DIAPH3: variants seen among roughly 807,000 people sequenced by gnomAD.
DIAPH3 encodes the protein diaphanous related formin 3.
A neutral mutation model predicts 144.3 loss-of-function variants in DIAPH3; 117 were observed. The ratio of observed to expected loss-of-function variants is 0.81; its 90% CI spans 0.70 to 0.95. The LOEUF (loss-of-function observed/expected upper bound fraction) is 0.95. DIAPH3 is among the 40% of genes least tolerant of loss of function. DIAPH3 has a pLI of 0.00. For missense variants in DIAPH3, 1,421 were observed against 1,412.7 expected (o/e 1.01, Z -0.09); for synonymous variants, 519 against 488.9 (o/e 1.06, Z -0.81).
chr13:59,961,904 A>G (rs1459847612), intron 17 of DIAPH3, among the ~76,000 whole-genome samples: 3 of 152,336 alleles, frequency 2.0e-5, no homozygotes, highest in African/African-American at 4.8e-5. Flanking sequence ...TTTTATTATT[A>G]TCTAATTAAT....
rs750299647 is a variant in DIAPH3, at chr13:59,970,950, C to T, written c.1861G>A (p.Gly621Arg). Residue 621 changes from glycine (G) to arginine (R), a missense_variant, in exon 16 of 28, where the codon GGA becomes AGA. By Grantham distance (125) the Gly-to-Arg change is moderately radical (BLOSUM62 -2). Coordinates refer to ENST00000400324, the MANE Select transcript of DIAPH3 (RefSeq NM_001042517.2). The stretch of plus-strand genomic sequence containing the variant: ...ATTGGTAGAGGAGGAGAATTTTGTC[C>T]TCCAAGGAATCCCAGGGGAGGTGGT... The part of the protein sequence containing the change: ...PPPPPLGFLG[G>R]QNSPPLPILP... The T allele has an allele frequency of 1.4e-5, 23 of 1,613,812 alleles. No individual in the cohort carries two copies. In the South Asian group the frequency reaches 2.4e-4, roughly 17 times the overall value.
chr13:60,089,535 T>C (rs753430876), intron 4 of DIAPH3, among the ~76,000 whole-genome samples: 4 of 152,198 alleles, frequency 2.6e-5, no homozygotes, highest in Non-Finnish European at 4.4e-5. Flanking sequence ...GCATTCTCTG[T>C]TCTGGTCCAG....
intron 27 of DIAPH3, among the ~76,000 whole-genome samples, chr13:59,761,785 G>T (rs1432169248): frequency 6.6e-6 from 1 of 152,068 alleles, no homozygotes; most frequent in East Asian, 1.9e-4. Context: ...AGCATTGGAA[G>T]ACAGAAAGTA....
intron 4 of DIAPH3, among the ~76,000 whole-genome samples, chr13:60,092,411 G>C (rs887471034): frequency 1.3e-5 from 2 of 152,168 alleles, no homozygotes; most frequent in Admixed American, 6.5e-5. Context: ...CCAGCACTTT[G>C]GGAGGCCAAG....
chr13:59,993,703 A>T (rs1160146512), intron 9 of DIAPH3, among the ~76,000 whole-genome samples: 2 of 35,358 alleles, frequency 5.7e-5, no homozygotes, highest in Non-Finnish European at 5.8e-5. Flanking sequence ...AAACATACTT[A>T]AAAAAAAAAA....
chr13:59,686,396 T>C (rs902157852), intron 27 of DIAPH3, among the ~76,000 whole-genome samples: 21 of 152,078 alleles, frequency 1.4e-4, no homozygotes, highest in African/African-American at 4.1e-4. Flanking sequence ...AGGATATCTA[T>C]TCACATCAAT....
intron 27 of DIAPH3, among the ~76,000 whole-genome samples, chr13:59,709,847 A>G (rs1409215957): frequency 5.3e-5 from 8 of 152,172 alleles, no homozygotes; most frequent in Non-Finnish European, 1.0e-4. Flanking sequence ...AACCAACCCA[A>G]ATGTCCAACA....
At chr13:59,666,881 A>G (rs760529772) in intron 27 of DIAPH3, 35 bp from the exon 28 acceptor site, 99 of 1,612,176 alleles carry the variant, frequency 6.1e-5, no homozygotes, top group Non-Finnish European at 8.1e-5. Flanking sequence ...AAAACTTATC[A>G]CCATGATAAC....
At chr13:59,964,088 A>G (rs2049918879) in intron 17 of DIAPH3, among the ~76,000 whole-genome samples, 2 of 152,180 alleles carry the variant, frequency 1.3e-5, no homozygotes, top group Non-Finnish European at 2.9e-5. Context: ...AGACAGAGAA[A>G]ATGGAAGATA....
At chr13:59,978,246 C>T (rs1239399295) in intron 14 of DIAPH3, among the ~76,000 whole-genome samples, 1 of 151,716 alleles carries the variant, frequency 6.6e-6, no homozygotes, top group Admixed American at 6.6e-5. Flanking sequence ...GAGCCAACCT[C>T]GTCAAATCTT....
At chr13:60,023,850 CTTT>C (rs35707483) in intron 5 of DIAPH3, among the ~76,000 whole-genome samples, 3 of 68,872 alleles carry the variant, frequency 4.4e-5, no homozygotes, top group African/African-American at 1.2e-4. Context: ...ACTATTCAGC[CTTT>C]TTTTTTTTTT....
intron 4 of DIAPH3, among the ~76,000 whole-genome samples, chr13:60,043,887 T>C (rs56239569): frequency 0.048 from 7,278 of 152,246 alleles, 253 homozygotes; most frequent in Admixed American, 0.097. Flanking sequence ...AGTAGCTTCA[T>C]ATGAGACATG....
At chr13:59,726,126 T>A (rs955947927) in intron 27 of DIAPH3, among the ~76,000 whole-genome samples, 1 of 152,222 alleles carries the variant, frequency 6.6e-6, no homozygotes, top group Non-Finnish European at 1.5e-5. Context: ...TAGAACTGTA[T>A]AGATTTGCAT....
chr13:59,801,399 A>T (rs1353444609), intron 25 of DIAPH3, among the ~76,000 whole-genome samples: 1 of 152,220 alleles, frequency 6.6e-6, no homozygotes, highest in African/African-American at 2.4e-5. Flanking sequence ...TCCTTTACAC[A>T]ACACTCATGA....
chr13:59,966,814 G>A (rs1481920523), intron 17 of DIAPH3, among the ~76,000 whole-genome samples: 3 of 152,022 alleles, frequency 2.0e-5, no homozygotes, highest in African/African-American at 4.8e-5. Flanking sequence ...AATAGCCTCG[G>A]TTCTCAGTCC....
At chr13:60,075,385 C>G (rs4884350) in intron 4 of DIAPH3, among the ~76,000 whole-genome samples, 36,721 of 152,054 alleles carry the variant, frequency 0.24, 5,415 homozygotes, top group Admixed American at 0.37. Context: ...TGCTCCCTCT[C>G]TCTCTCTCCT....
chr13:60,136,446 T>C (rs762703110), intron 1 of DIAPH3, among the ~76,000 whole-genome samples: 109 of 117,674 alleles, frequency 9.3e-4, no homozygotes, highest in Non-Finnish European at 1.6e-3. Flanking sequence ...AATAACCTGA[T>C]AGCAAATTTT....
At chr13:59,931,854 T>TATCC (rs1223402481) in intron 17 of DIAPH3, among the ~76,000 whole-genome samples, 2 of 152,208 alleles carry the variant, frequency 1.3e-5, no homozygotes, top group African/African-American at 4.8e-5. Context: ...AGCTCTTGTA[T>TATCC]ATCCACATTA....
chr13:59,826,837 T>C (rs1405589046), intron 24 of DIAPH3, among the ~76,000 whole-genome samples: 4 of 151,910 alleles, frequency 2.6e-5, no homozygotes, highest in Admixed American at 2.6e-4. Flanking sequence ...AACAGAGATA[T>C]AGATCAATGG....
Sources: allele counts gnomAD v4.1 joint callset (sites outside exome capture counted in the v4.1 genomes callset), GRCh38; gene constraint gnomAD v4.1.1; transcripts MANE v1.5; gene names NCBI Gene and HGNC (gene_info 2026-07-23, HGNC 2026-07-21).